The following LRP1 variants were observed in gnomAD, a reference collection of about 807,000 sequenced individuals.
LRP1 encodes LDL receptor related protein 1, also known as prolow-density lipoprotein receptor-related protein 1.
A neutral mutation model predicts 541.5 loss-of-function variants in LRP1; 51 were observed. The ratio of observed to expected loss-of-function variants is 0.09; its 90% CI spans 0.08 to 0.12. The LOEUF (loss-of-function observed/expected upper bound fraction) is 0.12. LRP1 is among the 10% of genes least tolerant of loss of function. The probability of loss-of-function intolerance (pLI) is 1.00; values close to 1 mark genes in which losing one functional copy is unlikely to be tolerated. For synonymous variants in LRP1, 2,219 were observed against 2,470.8 expected (o/e 0.90, Z 3.02); for missense variants, 3,878 against 6,376.2 (o/e 0.61, Z 13.34).
rs374380230 is a variant in LRP1 at position 57,162,949 on chromosome 12, C to T, written c.2496C>T (p.Asp832=). The T allele has an allele frequency of 8.1e-6, 13 of 1,607,756 alleles. No homozygotes were observed. In the Admixed American group the frequency reaches 1.0e-4, roughly 12 times the overall value. The change falls in exon 15 of 89, where the codon GAC becomes GAT. Residue 832 remains aspartate, a synonymous_variant. Transcript: ENST00000243077. This position sits in a 1 kb window ranked among gnomAD's most constrained non-coding sequence, Gnocchi z 5.2. The stretch of plus-strand genomic sequence containing the variant: ...GCCGCCAGTGCGCCTGTGCTGAGGA[C>T]CAGGTGTTGGACGCAGACGGCGTCA... ...PGSRQCACAE[D]QVLDADGVTC...
At position 57,199,996 on chromosome 12, in the gene LRP1, A is replaced by C. The variant is rs755022036; in HGVS notation, c.9985A>C (p.Thr3329Pro). 6.3e-7 allele frequency: 1 copy of C among 1,596,420 alleles called. No homozygotes were observed. Among genetic ancestry groups the C allele is most frequent in the East Asian group, 2.3e-5 (1 of 44,118 alleles). Residue 3329 changes from threonine to proline, a missense_variant, in exon 62 of 89, where the codon ACC becomes CCC. Thr to Pro is a conservative substitution (Grantham distance 38). Around this residue, in one of 13 missense-constraint regions of LRP1, gnomAD observed 278 missense variants for 536.3 expected, o/e 0.52. Transcript: ENST00000243077. ...CTTCTACCTGGGCAGCGATGGGCGC[A>C]CCTGTGTGTCCAACTGCACGGCTAG... ...TNFYLGSDGR[T>P]CVSNCTASQF...
Position 57,208,747 on chromosome 12 carries a change from G to A in LRP1, c.12075G>A (p.Lys4025=). ...GGTCAGACTGGGGCAACCACCCCAA[G>A]ATTGAGACGGCAGCGATGGATGGGA... ...MYWSDWGNHP[K]IETAAMDGTL... The change falls in exon 78 of 89, where the codon AAG becomes AAA. Residue 4025 remains lysine, a synonymous_variant. Transcript: ENST00000243077. 1 of 1,614,098 alleles carries A rather than the reference G, an allele frequency of 6.2e-7. No individual in the cohort carries two copies. The highest frequency in any genetic ancestry group is 1.1e-5 in the South Asian group (1 of 91,092).
chr12:57,193,833 C>T (rs1247756942), intron 47 of LRP1, 66 bp from the exon 48 acceptor site: 3 of 1,589,888 alleles, frequency 1.9e-6, no homozygotes, highest in South Asian at 1.1e-5. Context: ...GGAGCTCTGT[C>T]CTGCGTCCTT....
Position 57,198,164 on chromosome 12 carries a change from C to T in LRP1, c.9291C>T (p.His3097=). 6.2e-7 allele frequency: 1 copy of T among 1,610,036 alleles called. No homozygotes were observed. The highest frequency in any genetic ancestry group is 8.5e-7 in the Non-Finnish European group (1 of 1,178,116). ...CCTGCCCCTTCCTGCAGGTCCTACA[C>T]CGTACAGGCCTCAGCAACCCCGATG... ...HLNGSNVQVL[H]RTGLSNPDGL... Residue 3097 remains histidine (H), a synonymous_variant, in exon 59 of 89, where the codon CAC becomes CAT. Coordinates refer to ENST00000243077, the MANE Select transcript of LRP1 (RefSeq NM_002332.3).
At position 57,145,427 on chromosome 12, in the gene LRP1, C is replaced by T. The variant is rs370701297; in HGVS notation, c.778C>T (p.Arg260Cys). The T allele has an allele frequency of 2.0e-5, 32 of 1,614,000 alleles. No individual in the cohort carries two copies. The highest frequency in any genetic ancestry group is 1.6e-4 in the Middle Eastern group (1 of 6,084). ...TGCTCAGACGCAGCTCAAGTGTGCCCGCATGCCTGGCCTAAAGGGCTTCGT... is the reference window on the plus strand; with the variant it reads ...TGCTCAGACGCAGCTCAAGTGTGCCTGCATGCCTGGCCTAAAGGGCTTCGT... ...SAAQTQLKCARMPGLKGFVDE... is the reference protein window; with the variant it reads ...SAAQTQLKCACMPGLKGFVDE... Residue 260 changes from arginine (R) to cysteine (C), a missense_variant, in exon 6 of 89, where the codon CGC (arginine) becomes TGC (cysteine). Arg to Cys is a radical substitution (Grantham distance 180, BLOSUM62 -3). Coordinates refer to ENST00000243077, the MANE Select transcript of LRP1 (RefSeq NM_002332.3).
intron 54 of LRP1, 31 bp downstream of exon 54, chr12:57,196,034 C>A: frequency 1.2e-6 from 2 of 1,611,656 alleles, no homozygotes; most frequent in Non-Finnish European, 1.7e-6. Flanking sequence ...CCCTCTGCCC[C>A]CTCCCCAGAC....
At chr12:57,200,341 C>T in intron 62 of LRP1, 101 bp from the exon 63 acceptor site, 1 of 783,804 alleles carries the variant, frequency 1.3e-6, no homozygotes, top group East Asian at 2.6e-5. Context: ...AACACCCTGA[C>T]CCCTGCCTCA....
At position 57,211,461 on chromosome 12, in the gene LRP1, C is replaced by A. The variant is rs1397637311; in HGVS notation, c.13092-26C>A. ...CCAGGCACGCCTCTGCCAGCCCCAG[C>A]CCCAGCCTCTGATTCCTTCCTGCAG... is the stretch of plus-strand genomic sequence containing the variant. On this transcript the variant is annotated intron_variant, in intron 84 of 88. Transcript: ENST00000243077. The surrounding 1 kb of genome is among the most constrained non-coding windows in gnomAD (Gnocchi z 4.3). The A allele has an allele frequency of 6.2e-6, 10 of 1,612,130 alleles. No homozygotes were observed. Among genetic ancestry groups the A allele is most frequent in the Admixed American group, 1.7e-5 (1 of 60,024 alleles).
In LRP1 at chr12:57,202,543, T is replaced by TGGGGGCCCCCCCCCCCCCCCCCCCCCCC; in HGVS notation, c.10711+6_10711+7insGGGGGCCCCCCCCCCCCCCCCCCCCCCC. The TGGGGGCCCCCCCCCCCCCCCCCCCCCCC allele has an allele frequency of 6.6e-7, 1 of 1,523,632 alleles. No individual in the cohort carries two copies. 94.4% of individuals were successfully genotyped at this position (1,523,632 alleles called of 1,614,324 possible). A position where few individuals can be genotyped will look rare whatever the true frequency, so the allele number is the denominator to read the frequency against. The stretch of plus-strand genomic sequence containing the variant: ...CTCCGATGAAGAGAGCTGCAGTACG[T>TGGGGGCCCCCCCCCCCCCCCCCCCCCCC]CCCCACCCACCCAGCCCCGCATGAG... On this transcript the variant is annotated splice_region_variant and intron_variant, in intron 68 of 88. Coordinates refer to ENST00000243077, the MANE Select transcript of LRP1 (RefSeq NM_002332.3).
At chr12:57,169,083 G>A in intron 19 of LRP1, 57 bp from the exon 20 acceptor site, 1 of 1,520,134 alleles carries the variant, frequency 6.6e-7, no homozygotes. Context: ...TGGGATCACA[G>A]AGAAGGCTGC....
At chr12:57,144,939 G>A (rs371391200) in intron 4 of LRP1, 33 bp from the exon 5 acceptor site, 114 of 1,608,042 alleles carry the variant, frequency 7.1e-5, no homozygotes, top group East Asian at 1.1e-4. Context: ...TGTCACACTG[G>A]AAATGACCAC....
rs2036098963 is a variant in LRP1, at chr12:57,178,668, C to T, written c.4606+65C>T. The stretch of plus-strand genomic sequence containing the variant: ...GCAGCCTCTTTAGAAGCTGTAGAAG[C>T]TCTTAGGAGAGGAGAGGGCAGTGAG... On this transcript the variant is annotated intron_variant, in intron 27 of 88. Transcript: ENST00000243077. The surrounding 1 kb of genome is among the most constrained non-coding windows in gnomAD (Gnocchi z 5.8). The T allele has an allele frequency of 1.9e-6, 3 of 1,604,348 alleles. No individual in the cohort carries two copies. Among genetic ancestry groups the T allele is most frequent in the South Asian group, 2.2e-5 (2 of 89,930 alleles).
chr12:57,213,350 A>C lies in LRP1; in HGVS notation c.*795A>C, dbSNP rs1286831689. 5 of 89,986 alleles carry C rather than the reference A, an allele frequency of 5.6e-5. No homozygotes were observed. Among genetic ancestry groups the C allele is most frequent in the African/African-American group, 2.0e-4 (5 of 25,164 alleles). The allele number at this position is 89,986 out of a possible 1,614,324, so 5.6% of individuals were successfully genotyped here. A position where few individuals can be genotyped will look rare whatever the true frequency, so the allele number is the denominator to read the frequency against. ...TTATAAATAAAATTGTAAAAAAAAA[A>C]AAAAAAAAAAAGGCCAAAAAAAAAA... On this transcript the variant is annotated 3_prime_UTR_variant, in exon 89 of 89. Transcript: ENST00000243077.
intron 58 of LRP1, 100 bp from the exon 59 acceptor site, chr12:57,198,056 C>A: frequency 9.9e-7 from 1 of 1,012,254 alleles, no homozygotes; most frequent in Non-Finnish European, 1.4e-6. Context: ...TCAGAGGGAG[C>A]TCTACCCCAT....
Position 57,180,099 on chromosome 12 carries a change from A to G in LRP1, c.5194A>G (p.Ser1732Gly). The G allele has an allele frequency of 6.2e-7, 1 of 1,613,942 alleles. No homozygotes were observed. The highest frequency in any genetic ancestry group is 8.5e-7 in the Non-Finnish European group (1 of 1,180,030). Reference sequence around the variant, plus strand: ...CATCAGCATGGCCAACATGGATGGCAGCAATCGCACCCTGCTCTTCAGTGG... The same window carrying G: ...CATCAGCATGGCCAACATGGATGGCGGCAATCGCACCCTGCTCTTCAGTGG... ...DNISMANMDG[S>G]NRTLLFSGQK... Residue 1732 changes from serine (S) to glycine (G), a missense_variant, in exon 31 of 89, where the codon AGC (serine) becomes GGC (glycine). Ser to Gly is a moderately conservative substitution (Grantham distance 56). This residue lies in a region of LRP1 where 394 missense variants were observed against 635.9 expected (regional missense o/e 0.62). Coordinates refer to ENST00000243077, the MANE Select transcript of LRP1 (RefSeq NM_002332.3).
chr12:57,156,429 G>T lies in LRP1; in HGVS notation c.1417+146G>T. Reference sequence around the variant, plus strand: ...CCGATTCTCCTAGCCAGCCACTCGGGCTACCTGCCCTGGCCCCTCAGCTTC... The same window carrying T: ...CCGATTCTCCTAGCCAGCCACTCGGTCTACCTGCCCTGGCCCCTCAGCTTC... On this transcript the variant is annotated intron_variant, in intron 9 of 88. Coordinates refer to ENST00000243077, the MANE Select transcript of LRP1 (RefSeq NM_002332.3). The surrounding 1 kb of genome is among the most constrained non-coding windows in gnomAD (Gnocchi z 5.2). 1.1e-6 allele frequency: 1 copy of T among 878,742 alleles called. No homozygotes were observed. The highest frequency in any genetic ancestry group is 1.7e-6 in the Non-Finnish European group (1 of 591,314). 54.4% of individuals were successfully genotyped at this position (878,742 alleles called of 1,614,324 possible).
In LRP1 at chr12:57,194,574, C is replaced by G. The variant is rs754827896; in HGVS notation, c.8069-3C>G. Reference sequence around the variant, plus strand: ...GGGCCCTCACACCTGCCTCGCCCCCCAGGTGTGAAACGCCCCAGATGCCCT... The same window carrying G: ...GGGCCCTCACACCTGCCTCGCCCCCGAGGTGTGAAACGCCCCAGATGCCCT... On this transcript the variant is annotated splice_polypyrimidine_tract_variant and splice_region_variant and intron_variant, in intron 49 of 88. Transcript: ENST00000243077. 1 of 1,612,574 alleles carries G rather than the reference C, an allele frequency of 6.2e-7. No homozygotes were observed. The highest frequency in any genetic ancestry group is 1.3e-5 in the African/African-American group (1 of 74,908).
rs138814785 is a variant in LRP1 at position 57,134,735 on chromosome 12, C to T, written c.68-3724C>T. ...TTTTTTTTCTTTTGAGATGGAATCTCGCTCTGTTGCCCAGGCTGGAGTGCA... is the reference window on the plus strand; with the variant it reads ...TTTTTTTTCTTTTGAGATGGAATCTTGCTCTGTTGCCCAGGCTGGAGTGCA... On this transcript the variant is annotated intron_variant, in intron 1 of 88. Transcript: ENST00000243077. 2.1e-3 allele frequency among the ~76,000 whole-genome samples: 326 copies of T among 151,992 alleles called. 4 individuals are homozygous for T. Among genetic ancestry groups the T allele is most frequent in the African/African-American group, 7.1e-3 (296 of 41,456 alleles).
In LRP1 at chr12:57,212,465, T is replaced by C. The variant is rs2136759712; in HGVS notation, c.13545T>C (p.His4515=). Residue 4515 remains histidine (H), a synonymous_variant, in exon 89 of 89, where the codon CAT becomes CAC. Coordinates refer to ENST00000243077, the MANE Select transcript of LRP1 (RefSeq NM_002332.3). The surrounding 1 kb of genome is among the most constrained non-coding windows in gnomAD (Gnocchi z 5.0). ...ATGCCACACTCTACATGGGGGGCCATGGCAGTCGCCACTCCCTGGCCAGCA... is the reference window on the plus strand; with the variant it reads ...ATGCCACACTCTACATGGGGGGCCACGGCAGTCGCCACTCCCTGGCCAGCA... ...PVYATLYMGG[H]GSRHSLASTD... is the part of the protein sequence containing the mutation. 1.9e-6 allele frequency: 3 copies of C among 1,614,100 alleles called. No individual in the cohort carries two copies. The highest frequency in any genetic ancestry group is 8.5e-7 in the Non-Finnish European group (1 of 1,180,002).
Sources: allele counts gnomAD v4.1 joint callset (sites outside exome capture counted in the v4.1 genomes callset), GRCh38; gene constraint gnomAD v4.1.1; regional missense constraint gnomAD v4.1.1; non-coding constraint Gnocchi (gnomAD v3.1); transcripts MANE v1.5; gene names NCBI Gene and HGNC (gene_info 2026-07-23, HGNC 2026-07-21).